RABEP1: variants seen among roughly 807,000 people sequenced by gnomAD.
The protein encoded by RABEP1 is rab GTPase-binding effector protein 1.
Under a neutral mutation model 123.4 loss-of-function variants are expected in RABEP1, and 51 were observed. The ratio of observed to expected loss-of-function variants is 0.41; its 90% CI spans 0.33 to 0.52. The LOEUF (loss-of-function observed/expected upper bound fraction) is 0.52, where lower values mean the gene tolerates loss of function less well. Among genes scored for constraint, RABEP1 ranks in the 20% least tolerant of loss-of-function variants. The pLI is 0.16. For missense variants in RABEP1, 888 were observed against 996.3 expected (o/e 0.89, Z 1.46); for synonymous variants, 347 against 355.2 (o/e 0.98, Z 0.26).
intron 17 of RABEP1, among the ~76,000 whole-genome samples, chr17:5,382,473 G>T (rs1427595890): frequency 1.3e-5 from 2 of 151,704 alleles, no homozygotes; most frequent in Non-Finnish European, 2.9e-5. Flanking sequence ...TCTGGGCCAG[G>T]CATGGTGGCT....
At chr17:5,345,785 G>A (rs902340074) in intron 5 of RABEP1, among the ~76,000 whole-genome samples, 2 of 152,064 alleles carry the variant, frequency 1.3e-5, no homozygotes, top group African/African-American at 4.8e-5. Context: ...AAACAGATAA[G>A]CCACTTTAAG....
intron 1 of RABEP1, among the ~76,000 whole-genome samples, chr17:5,288,427 G>A (rs919103538): frequency 2.0e-5 from 3 of 152,186 alleles, no homozygotes; most frequent in African/African-American, 7.2e-5. Context: ...ATGGAATCTC[G>A]CTCAGTCGCC....
intron 1 of RABEP1, 50 bp downstream of exon 1, chr17:5,282,570 G>C (rs1218261278): frequency 7.2e-6 from 8 of 1,116,804 alleles, no homozygotes; most frequent in Non-Finnish European, 8.9e-6. Flanking sequence ...GCCCGGCGTC[G>C]GCGTCGCGGG....
chr17:5,357,596 C>G (rs147828094), intron 8 of RABEP1, among the ~76,000 whole-genome samples: 1,607 of 152,210 alleles, frequency 0.011, 31 homozygotes, highest in African/African-American at 0.036. Flanking sequence ...GTCTCGAACT[C>G]CTGGCCTCAA....
At chr17:5,369,057 T>C (rs1284969025) in intron 12 of RABEP1, among the ~76,000 whole-genome samples, 1 of 151,862 alleles carries the variant, frequency 6.6e-6, no homozygotes, top group African/African-American at 2.4e-5. Flanking sequence ...TGCAGTGAGC[T>C]GAGATCGCGC....
In RABEP1 at chr17:5,332,427, C is replaced by T. The variant is rs549022570; in HGVS notation, c.367+275C>T. Among the ~76,000 whole-genome samples the T allele has an allele frequency of 1.8e-4, 28 of 152,120 alleles. 1 individual carries two copies. The South Asian group carries it at 3.7e-3, about 20-fold the overall frequency. Reference sequence around the variant, plus strand: ...ATAGTTCATTGTAAGGCTTAAAAGTCGATTTCTTCTAGGAGGCAGGCTAGT... The same window carrying T: ...ATAGTTCATTGTAAGGCTTAAAAGTTGATTTCTTCTAGGAGGCAGGCTAGT... On this transcript the variant is annotated intron_variant, in intron 3 of 17. Transcript: ENST00000537505.
rs376077719 is a variant in RABEP1, at chr17:5,333,383, C to T, written c.367+1231C>T. On this transcript the variant is annotated intron_variant, in intron 3 of 17. Transcript: ENST00000537505. The stretch of plus-strand genomic sequence containing the variant: ...TTCACCATGTTAGCCAGGATGGTCT[C>T]GATCTCCTGACCTCGTGATCTGCCC... 9.2e-5 allele frequency among the ~76,000 whole-genome samples: 14 copies of T among 152,142 alleles called. No individual in the cohort carries two copies. The South Asian group carries it at 2.3e-3, about 25-fold the overall frequency.
chr17:5,320,726 G>C (rs1476597506), intron 2 of RABEP1, among the ~76,000 whole-genome samples: 1 of 152,068 alleles, frequency 6.6e-6, no homozygotes, highest in Non-Finnish European at 1.5e-5. Context: ...TTATCTACAA[G>C]ATGTTTTTTG....
chr17:5,323,079 A>C (rs1567521523), intron 2 of RABEP1, among the ~76,000 whole-genome samples: 3 of 152,196 alleles, frequency 2.0e-5, no homozygotes, highest in East Asian at 1.9e-4. Context: ...TGTCTCAAAA[A>C]AAACAAACAA....
chr17:5,354,986 G>A (rs904866693), intron 8 of RABEP1, among the ~76,000 whole-genome samples: 13 of 152,334 alleles, frequency 8.5e-5, no homozygotes, highest in Middle Eastern at 3.4e-3. Flanking sequence ...AGAGTAGAGA[G>A]ACCTGGAAGT....
rs1264979482 is a variant in RABEP1 at position 5,282,293 on chromosome 17, A to T, written c.-194A>T. 1 of 407,584 alleles carries T rather than the reference A, an allele frequency of 2.5e-6. No individual in the cohort carries two copies. The highest frequency in any genetic ancestry group is 4.3e-6 in the Non-Finnish European group (1 of 233,400). The allele number at this position is 407,584 out of a possible 1,614,324, so 25.2% of individuals were successfully genotyped here. ...CTGCTTATTTCCCGCTGTCAGGATG[A>T]GGAGGCGGAGGTCGGCGGTCGGGTC... On this transcript the variant is annotated 5_prime_UTR_variant, in exon 1 of 18. Transcript: ENST00000537505.
intron 2 of RABEP1, among the ~76,000 whole-genome samples, chr17:5,329,158 A>G (rs1338922436): frequency 6.6e-6 from 1 of 151,840 alleles, no homozygotes; most frequent in Non-Finnish European, 1.5e-5. Context: ...TTAGAGATGC[A>G]TCTGTACAGT....
At chr17:5,372,409 C>T (rs1161804114) in intron 12 of RABEP1, among the ~76,000 whole-genome samples, 1 of 152,174 alleles carries the variant, frequency 6.6e-6, no homozygotes, top group Non-Finnish European at 1.5e-5. Context: ...CGAGATCACA[C>T]CACTGCATTC....
At chr17:5,328,590 G>A (rs146408949) in intron 2 of RABEP1, among the ~76,000 whole-genome samples, 1 of 146,502 alleles carries the variant, frequency 6.8e-6, no homozygotes, top group East Asian at 2.1e-4. Context: ...AGATTGCAGT[G>A]AGCTGAGGTC....
At chr17:5,369,699 CT>C (rs888010808) in intron 12 of RABEP1, among the ~76,000 whole-genome samples, 33 of 146,778 alleles carry the variant, frequency 2.2e-4, no homozygotes, top group Middle Eastern at 3.5e-3. Context: ...TCCTTCTTGT[CT>C]TTTTTTTTTT....
chr17:5,334,915 A>G (rs77720603), intron 3 of RABEP1, among the ~76,000 whole-genome samples: 2,561 of 152,242 alleles, frequency 0.017, 75 homozygotes, highest in African/African-American at 0.057. Context: ...GGCATGAAAC[A>G]TTGGCCAGAC....
chr17:5,350,836 C>T (rs1240386042), intron 7 of RABEP1, among the ~76,000 whole-genome samples: 1 of 152,028 alleles, frequency 6.6e-6, no homozygotes, highest in African/African-American at 2.4e-5. Context: ...GGTGGGGAAA[C>T]TGATTTGGAA....
intron 13 of RABEP1, among the ~76,000 whole-genome samples, chr17:5,376,222 G>A (rs1410903147): frequency 6.6e-6 from 1 of 152,188 alleles, no homozygotes; most frequent in Admixed American, 6.5e-5. Flanking sequence ...TTGGGAGGTT[G>A]AAGTGGGAGT....
At chr17:5,337,645 A>G (rs1907220517) in intron 4 of RABEP1, among the ~76,000 whole-genome samples, 1 of 152,096 alleles carries the variant, frequency 6.6e-6, no homozygotes, top group Admixed American at 6.6e-5. Flanking sequence ...GTGAGCGGAG[A>G]TCGTGGCACT....
Sources: allele counts gnomAD v4.1 joint callset (sites outside exome capture counted in the v4.1 genomes callset), GRCh38; gene constraint gnomAD v4.1.1; transcripts MANE v1.5; gene names NCBI Gene and HGNC (gene_info 2026-07-23, HGNC 2026-07-21).